The following MYOF variants were observed in gnomAD, a reference collection of about 807,000 sequenced individuals.
The protein encoded by MYOF is fer-1-like 3, myoferlin.
Under a neutral mutation model 284.2 loss-of-function variants are expected in MYOF, and 244 were observed. The observed-to-expected ratio is 0.86, with a 90% CI of 0.77 to 0.95. The LOEUF (loss-of-function observed/expected upper bound fraction) is 0.95, where lower values mean the gene tolerates loss of function less well. Ranked by LOEUF, MYOF falls within the 40% of genes least tolerant of loss-of-function variation. The pLI, the probability that MYOF is intolerant of heterozygous loss-of-function variation, is 0.00. For missense variants in MYOF, 2,496 were observed against 2,560.6 expected (o/e 0.97, Z 0.54); for synonymous variants, 904 against 919.7 (o/e 0.98, Z 0.31).
intron 5 of MYOF, among the ~76,000 whole-genome samples, chr10:93,424,625 G>A (rs900097288): frequency 2.0e-5 from 3 of 152,192 alleles, no homozygotes; most frequent in African/African-American, 4.8e-5. Flanking sequence ...GGCCATCTCA[G>A]TCTTGTCACC....
intron 2 of MYOF, among the ~76,000 whole-genome samples, chr10:93,453,625 G>C (rs1282399712): frequency 6.6e-6 from 1 of 152,002 alleles, no homozygotes. Flanking sequence ...AACACACCCA[G>C]CCTGGGAATG....
At position 93,325,822 on chromosome 10, in the gene MYOF, T is replaced by G; in HGVS notation, c.5271+4A>C. ...TGGTCTTCAAGGGAGGGAAGGCCCT[T>G]TACCTGGGAAATGTTGGGCTGGAAG... On this transcript the variant is annotated splice_donor_region_variant and intron_variant, in intron 46 of 53. Transcript: ENST00000359263. 1 of 1,611,166 alleles carries G rather than the reference T, an allele frequency of 6.2e-7. No individual in the cohort carries two copies. The highest frequency in any genetic ancestry group is 1.1e-5 in the South Asian group (1 of 90,378).
chr10:93,425,826 T>C, intron 5 of MYOF: 1 of 539,796 alleles, frequency 1.9e-6, no homozygotes, highest in Non-Finnish European at 3.3e-6. Context: ...CATGTGCTTT[T>C]TGTGCTCACC....
chr10:93,425,753 A>G lies in MYOF; in HGVS notation c.433+318T>C, dbSNP rs866148129. 107 of 347,840 alleles carry G rather than the reference A, an allele frequency of 3.1e-4. 1 individual carries two copies. Among genetic ancestry groups the G allele is most frequent in the South Asian group, 2.6e-3 (76 of 28,786 alleles). The allele number at this position is 347,840 out of a possible 1,614,324, so 21.5% of individuals were successfully genotyped here. ...ACTCCTTGAGCCAAACAGCCTGGAG[A>G]CACTGTATGGGGTGGAAGCCACAAA... On this transcript the variant is annotated intron_variant, in intron 5 of 53. Coordinates refer to ENST00000359263, the MANE Select transcript of MYOF (RefSeq NM_013451.4).
chr10:93,466,551 C>A (rs775991336), intron 1 of MYOF, among the ~76,000 whole-genome samples: 3 of 152,142 alleles, frequency 2.0e-5, no homozygotes, highest in African/African-American at 7.2e-5. Flanking sequence ...GATGCTGGGG[C>A]GTGGTCATGT....
At chr10:93,473,273 G>A (rs2134393903) in intron 1 of MYOF, among the ~76,000 whole-genome samples, 1 of 152,354 alleles carries the variant, frequency 6.6e-6, no homozygotes, top group South Asian at 2.1e-4. Flanking sequence ...CCAGAAGGCT[G>A]CCCTGTGAGT....
chr10:93,379,826 C>A (rs761757906), intron 21 of MYOF, 37 bp downstream of exon 21: 1 of 1,610,828 alleles, frequency 6.2e-7, no homozygotes, highest in Non-Finnish European at 8.5e-7. Context: ...ATTCACCCTG[C>A]TTGGTGAAAA....
chr10:93,417,476 C>G (rs1227026866), intron 5 of MYOF, among the ~76,000 whole-genome samples: 1 of 152,100 alleles, frequency 6.6e-6, no homozygotes, highest in Non-Finnish European at 1.5e-5. Context: ...GAGTTGGCAG[C>G]CCTAGAGGAC....
Position 93,404,148 on chromosome 10 carries a change from G to A in MYOF, c.792+9C>T, listed in dbSNP as rs1847432473. 3.1e-6 allele frequency: 5 copies of A among 1,614,044 alleles called. No homozygotes were observed. The highest frequency in any genetic ancestry group is 2.7e-5 in the African/African-American group (2 of 74,932). ...AGTGAGCAGTACCTTCCTACTTGCT[G>A]ACCCTTACCCGGATGCTGATGATCT... On this transcript the variant is annotated intron_variant, in intron 8 of 53. Coordinates refer to ENST00000359263, the MANE Select transcript of MYOF (RefSeq NM_013451.4).
rs566503018 is a variant in MYOF, at chr10:93,356,760, G to C, written c.3209C>G (p.Thr1070Ser). 1.5e-5 allele frequency: 24 copies of C among 1,614,156 alleles called. No homozygotes were observed. In the South Asian group the frequency reaches 2.0e-4, roughly 13 times the overall value. ...TCTCCTCCAGCGTCTGCGGCGGAAGGTATCTGAACTACGTTGTTTCCAGTG... is the reference window on the plus strand; with the variant it reads ...TCTCCTCCAGCGTCTGCGGCGGAAGCTATCTGAACTACGTTGTTTCCAGTG... ...KFHWKQRSSDTFRRRRWRRKM... is the reference protein window; with the variant it reads ...KFHWKQRSSDSFRRRRWRRKM... Residue 1070 changes from threonine (T) to serine (S), a missense_variant, in exon 30 of 54, where the codon ACC (threonine) becomes AGC (serine). Physicochemically the swap from Thr to Ser is moderately conservative, Grantham distance 58. Coordinates refer to ENST00000359263, the MANE Select transcript of MYOF (RefSeq NM_013451.4).
At chr10:93,466,997 CA>C (rs199926409) in intron 1 of MYOF, among the ~76,000 whole-genome samples, 1 of 138,646 alleles carries the variant, frequency 7.2e-6, no homozygotes, top group African/African-American at 3.5e-5. Context: ...AGCAAACAAA[CA>C]AACAACAACA....
At position 93,313,199 on chromosome 10, in the gene MYOF, GT is replaced by G; in HGVS notation, c.5709del (p.Glu1903AspfsTer21). ...FSLDDYLGFL[E>X]LDLRHTIIPA... is the part of the protein sequence containing the mutation. ...GGAATGATCGTGTGACGCAAGTCAA[GT>G]TCTAGGAAACCTAGCCAAGGAAACA... is the stretch of plus-strand genomic sequence containing the variant. On this transcript the variant is annotated frameshift_variant, in exon 51 of 54. Coordinates refer to ENST00000359263, the MANE Select transcript of MYOF (RefSeq NM_013451.4). LOFTEE classifies it high-confidence loss of function. The G allele has an allele frequency of 1.2e-6, 2 of 1,612,978 alleles. No individual in the cohort carries two copies. The highest frequency in any genetic ancestry group is 1.7e-6 in the Non-Finnish European group (2 of 1,179,524).
At chr10:93,349,739 G>T in intron 36 of MYOF, 69 bp downstream of exon 36, 5 of 1,531,062 alleles carry the variant, frequency 3.3e-6, no homozygotes, top group Non-Finnish European at 4.5e-6. Flanking sequence ...GTGTTTGTGT[G>T]TGTGTGTGTG....
intron 1 of MYOF, among the ~76,000 whole-genome samples, chr10:93,471,884 T>C (rs1430267526): frequency 3.0e-5 from 3 of 100,662 alleles, no homozygotes; most frequent in Non-Finnish European, 7.1e-5. Flanking sequence ...AGTGAAACAC[T>C]GTCTCAAAAA....
At chr10:93,365,527 T>C (rs1360295110) in intron 26 of MYOF, among the ~76,000 whole-genome samples, 2 of 152,200 alleles carry the variant, frequency 1.3e-5, no homozygotes, top group Non-Finnish European at 2.9e-5. Context: ...AATAGTTGAG[T>C]ACTGGTTTGG....
rs766000982 is a variant in MYOF at position 93,408,922 on chromosome 10, C to T, written c.601-7G>A. Reference sequence around the variant, plus strand: ...CAATCACTCGGACGCGGATCTGCAGCACAGAAGGGGGATGGTTACCCAACC... The same window carrying T: ...CAATCACTCGGACGCGGATCTGCAGTACAGAAGGGGGATGGTTACCCAACC... On this transcript the variant is annotated splice_region_variant and splice_polypyrimidine_tract_variant and intron_variant, in intron 6 of 53. Coordinates refer to ENST00000359263, the MANE Select transcript of MYOF (RefSeq NM_013451.4). The T allele has an allele frequency of 8.1e-6, 13 of 1,613,946 alleles. No individual in the cohort carries two copies. The Admixed American group carries it at 1.7e-4, about 21-fold the overall frequency.
At chr10:93,477,278 G>A (rs2057284116) in intron 1 of MYOF, among the ~76,000 whole-genome samples, 1 of 151,584 alleles carries the variant, frequency 6.6e-6, no homozygotes, top group Admixed American at 6.6e-5. Flanking sequence ...GATCACCTGA[G>A]GTCAGGAGTT....
chr10:93,457,752 G>A (rs76613301), intron 1 of MYOF, among the ~76,000 whole-genome samples: 1 of 65,088 alleles, frequency 1.5e-5, no homozygotes, highest in East Asian at 4.5e-4. Context: ...TTTTTTTTTT[G>A]AGACAGGGTC....
intron 3 of MYOF, among the ~76,000 whole-genome samples, chr10:93,441,100 A>G (rs1422454151): frequency 3.9e-5 from 6 of 152,322 alleles, no homozygotes; most frequent in African/African-American, 1.4e-4. Flanking sequence ...CTCCAGTGAG[A>G]AGAACCTGTT....
Sources: allele counts gnomAD v4.1 joint callset (sites outside exome capture counted in the v4.1 genomes callset), GRCh38; gene constraint gnomAD v4.1.1; transcripts MANE v1.5; gene names NCBI Gene and HGNC (gene_info 2026-07-23, HGNC 2026-07-21).